The following NBPF15 variants were observed in gnomAD, a reference collection of about 807,000 sequenced individuals.
NBPF15 encodes the protein NBPF member 15.
In NBPF15, 74 loss-of-function variants were observed where a neutral mutation model predicts 62.2. The ratio of observed to expected loss-of-function variants is 1.19; its 90% confidence interval spans 0.99 to 1.44. The LOEUF (loss-of-function observed/expected upper bound fraction) is 1.44. NBPF15 is among the 40% of genes most tolerant of loss of function. NBPF15 has a pLI of 0.00. For synonymous variants in NBPF15, 244 were observed against 209.7 expected (o/e 1.16, Z -1.41); for missense variants, 790 against 550.0 (o/e 1.44, Z -4.36).
intron 8 of NBPF15, among the ~76,000 whole-genome samples, chr1:144,439,382 C>T (rs1681149689): frequency 2.0e-5 from 3 of 152,180 alleles, no homozygotes; most frequent in South Asian, 2.1e-4. Flanking sequence ...GCTACTATCA[C>T]CAAGTTTCCC....
chr1:144,449,642 G>A (rs1161761719), intron 5 of NBPF15, among the ~76,000 whole-genome samples: 1 of 152,018 alleles, frequency 6.6e-6, no homozygotes, highest in East Asian at 1.9e-4. Context: ...GAGCCCAGAG[G>A]TAAAGACCCA....
At position 144,455,619 on chromosome 1, in the gene NBPF15, G is replaced by T. The variant is rs1305636875; in HGVS notation, c.-432+918C>A. ...CCTTGTCCACTCCAGAAGCTTCCCA[G>T]CTGCAGGTGGGGGCCTCAGCCCCTG... is the stretch of plus-strand genomic sequence containing the variant. On this transcript the variant is annotated intron_variant, in intron 4 of 21. Coordinates refer to ENST00000581897, the MANE Select transcript of NBPF15 (RefSeq NM_001385408.1). Among the ~76,000 whole-genome samples, 6 of 152,166 alleles carry T rather than the reference G, an allele frequency of 3.9e-5. 1 individual carries two copies. The highest frequency in any genetic ancestry group is 2.0e-4 in the Admixed American group (3 of 15,268).
intron 8 of NBPF15, among the ~76,000 whole-genome samples, chr1:144,439,447 G>C (rs1181992604): frequency 2.6e-5 from 4 of 151,926 alleles, no homozygotes; most frequent in African/African-American, 9.7e-5. Context: ...AACTTGAACT[G>C]AAGAAAAGTT....
In NBPF15 at chr1:144,443,201, CT is replaced by C. The variant is rs1330182522; in HGVS notation, c.-190-2907del. Among the ~76,000 whole-genome samples the C allele has an allele frequency of 2.0e-5, 3 of 151,778 alleles. 1 individual carries two copies. The highest frequency in any genetic ancestry group is 4.4e-5 in the Non-Finnish European group (3 of 67,918). ...ACCCCTCCTGTGTGTGGCTGGAAAA[CT>C]TTTTTGTTTTGATGGATTTTTTATG... On this transcript the variant is annotated intron_variant, in intron 6 of 21. Coordinates refer to ENST00000581897, the MANE Select transcript of NBPF15 (RefSeq NM_001385408.1).
rs1652420654 is a variant in NBPF15, at chr1:144,460,947, T to C, written c.-923A>G. 1.3e-5 allele frequency: 2 copies of C among 151,600 alleles called. 1 individual carries two copies. Among genetic ancestry groups the C allele is most frequent in the Non-Finnish European group, 2.9e-5 (2 of 67,914 alleles). The allele number at this position is 151,600 out of a possible 1,614,324, so 9.4% of individuals were successfully genotyped here. ...GCATCCTGGACTTGGTACACCCGGC[T>C]TGCCCATCACCAGCCTGGAGAAACC... On this transcript the variant is annotated 5_prime_UTR_variant, in exon 2 of 22. Transcript: ENST00000581897.
chr1:144,426,303 G>T lies in NBPF15; in HGVS notation c.1413C>A (p.Tyr471Ter). 1 of 675,542 alleles carries T rather than the reference G, an allele frequency of 1.5e-6. No homozygotes were observed. Among genetic ancestry groups the T allele is most frequent in the Non-Finnish European group, 2.7e-6 (1 of 371,208 alleles). The allele number at this position is 675,542 out of a possible 1,614,324, so 41.8% of individuals were successfully genotyped here. Residue 471 changes from tyrosine (Y) to a stop codon, truncating the protein, a stop_gained, in exon 18 of 22, where the codon TAC becomes TAA. Coordinates refer to ENST00000581897, the MANE Select transcript of NBPF15 (RefSeq NM_001385408.1). LOFTEE classifies it high-confidence loss of function. ...TGTCCACGTCAAGAGCCAAGCCAAG[G>T]TACTGTTCCTCCAATGAGTAAACAG... ...SSAVYSLEEQ[Y>*]LGLALDVDRI...
At position 144,422,976 on chromosome 1, in the gene NBPF15, C is replaced by G. The variant is rs781790515; in HGVS notation, c.*37G>C. On this transcript the variant is annotated 3_prime_UTR_variant, in exon 22 of 22. Transcript: ENST00000581897. ...ATCTTCTCGTGCCTATAGGTCCTGC[C>G]TGCAGGAATGACATCTCTCGGCTTA... 3 of 1,611,644 alleles carry G rather than the reference C, an allele frequency of 1.9e-6. No individual in the cohort carries two copies. Among genetic ancestry groups the G allele is most frequent in the Non-Finnish European group, 2.5e-6 (3 of 1,179,630 alleles).
chr1:144,427,996 A>G lies in NBPF15; in HGVS notation c.1041-6T>C. The G allele has an allele frequency of 1.4e-6, 1 of 735,134 alleles. No homozygotes were observed. Among genetic ancestry groups the G allele is most frequent in the Non-Finnish European group, 2.5e-6 (1 of 395,304 alleles). The allele number at this position is 735,134 out of a possible 1,614,324, so 45.5% of individuals were successfully genotyped here. ...CCAGCAGCTCCCTGCTGAGCCTGGA[A>G]AAGTGGGAAAAAGTAAAGAATAAGC... On this transcript the variant is annotated splice_polypyrimidine_tract_variant and splice_region_variant and intron_variant, in intron 15 of 21. Transcript: ENST00000581897.
rs1553540807 is a variant in NBPF15 at position 144,435,112 on chromosome 1, T to A, written c.771A>T (p.Pro257=). The change falls in exon 12 of 22, where the codon CCA becomes CCT. Residue 257 remains proline, a splice_region_variant and synonymous_variant. Coordinates refer to ENST00000581897, the MANE Select transcript of NBPF15 (RefSeq NM_001385408.1). ...VEWEDAVHII[P]ENESDDEEEE... ...AGACACAAGGAAAACAGAGGCTACC[T>A]GGAATAATGTGTACAGCATCCTCCC... 1.9e-5 allele frequency: 30 copies of A among 1,612,734 alleles called. 1 individual carries two copies. The South Asian group carries it at 3.2e-4, about 17-fold the overall frequency.
intron 6 of NBPF15, among the ~76,000 whole-genome samples, chr1:144,445,746 T>C (rs1223579495): frequency 6.6e-6 from 1 of 151,408 alleles, no homozygotes; most frequent in Non-Finnish European, 1.5e-5. Context: ...ACTCTTCTGA[T>C]CCATGACAAG....
chr1:144,457,500 T>G (rs1648914070), intron 3 of NBPF15, among the ~76,000 whole-genome samples: 1 of 152,080 alleles, frequency 6.6e-6, no homozygotes, highest in African/African-American at 2.4e-5. Flanking sequence ...CTATTTTATT[T>G]GTTAGATGGT....
chr1:144,428,893 C>G (rs1199642442), intron 14 of NBPF15, among the ~76,000 whole-genome samples: 2 of 151,978 alleles, frequency 1.3e-5, no homozygotes, highest in African/African-American at 4.8e-5. Flanking sequence ...CCTATGTGCT[C>G]TGTCCTAGGT....
chr1:144,435,152 G>A lies in NBPF15; in HGVS notation c.731C>T (p.Ser244Phe), dbSNP rs1462022861. 18 of 1,612,868 alleles carry A rather than the reference G, an allele frequency of 1.1e-5. No individual in the cohort carries two copies. The African/African-American group carries it at 2.3e-4, about 20-fold the overall frequency. The change falls in exon 12 of 22, where the codon TCC becomes TTC. Residue 244 changes from serine to phenylalanine, a missense_variant. Coordinates refer to ENST00000581897, the MANE Select transcript of NBPF15 (RefSeq NM_001385408.1). ...AGCATCCTCCCATTCAACATGAGAG[G>A]ATGAGCCAATGAGAGTTGAGTCGAC... ...DKVDSTLIGS[S>F]SHVEWEDAVH...
chr1:144,428,214 G>C (rs1390896381), intron 15 of NBPF15, among the ~76,000 whole-genome samples: 8 of 143,302 alleles, frequency 5.6e-5, no homozygotes, highest in African/African-American at 1.1e-4. Flanking sequence ...CACACACACA[G>C]AGCGAGCTCA....
chr1:144,442,369 T>A (rs1448907551), intron 6 of NBPF15, among the ~76,000 whole-genome samples: 18 of 138,464 alleles, frequency 1.3e-4, no homozygotes, highest in Non-Finnish European at 1.5e-5. Context: ...TATATACATG[T>A]ATACATGTAT....
chr1:144,453,305 A>T (rs1553545937), intron 4 of NBPF15, among the ~76,000 whole-genome samples: 2 of 151,812 alleles, frequency 1.3e-5, no homozygotes, highest in African/African-American at 4.8e-5. Flanking sequence ...AAATAAATCC[A>T]GGTATGCATG....
intron 6 of NBPF15, among the ~76,000 whole-genome samples, chr1:144,441,050 G>A (rs1682575663): frequency 1.3e-5 from 2 of 151,780 alleles, no homozygotes; most frequent in African/African-American, 4.8e-5. Flanking sequence ...TTTTGGCCAA[G>A]TAATATCCTA....
intron 20 of NBPF15, 137 bp from the exon 21 acceptor site, chr1:144,424,112 A>G (rs1473014296): frequency 4.7e-5 from 35 of 739,168 alleles, no homozygotes; most frequent in African/African-American, 4.5e-4. Context: ...ATATTTCAGG[A>G]GGTCTGAAGG....
In NBPF15 at chr1:144,427,906, A is replaced by T. The variant is rs782589106; in HGVS notation, c.1125T>A (p.Cys375Ter). The T allele has an allele frequency of 6.0e-6, 4 of 666,798 alleles. No homozygotes were observed. Among genetic ancestry groups the T allele is most frequent in the Non-Finnish European group, 1.1e-5 (4 of 368,704 alleles). The allele number at this position is 666,798 out of a possible 1,614,324, so 41.3% of individuals were successfully genotyped here. A position where few individuals can be genotyped will look rare whatever the true frequency, so the allele number is the denominator to read the frequency against. Residue 375 changes from cysteine (C) to a stop codon, truncating the protein, a stop_gained, in exon 16 of 22, where the codon TGT becomes TGA. Coordinates refer to ENST00000581897, the MANE Select transcript of NBPF15 (RefSeq NM_001385408.1). LOFTEE classifies it high-confidence loss of function. ...LDRCYSTPSG[C>*]LELTDSCQPY... ...GCTGGCATGAGTCAGTCAGTTCAAG[A>T]CAACCTGAAGGAGTTGAATAACATC... is the stretch of plus-strand genomic sequence containing the variant.
Sources: gnomAD v4.1 joint callset for allele counts (sites outside exome capture counted in the v4.1 genomes callset) on GRCh38, gnomAD v4.1.1 for gene constraint, MANE v1.5 for transcripts, NCBI Gene and HGNC (gene_info 2026-07-23, HGNC 2026-07-21) for gene names.